The following KIAA0825 variants were observed in gnomAD, a reference collection of about 807,000 sequenced individuals.
The protein encoded by KIAA0825 is KIAA0825.
In KIAA0825, 119 loss-of-function variants were observed where a neutral mutation model predicts 147.6. That is an observed-to-expected ratio of 0.81 (90% confidence interval 0.69 to 0.94). The LOEUF (loss-of-function observed/expected upper bound fraction) is 0.94, where lower values mean the gene tolerates loss of function less well. Ranked by LOEUF, KIAA0825 falls within the 40% of genes least tolerant of loss-of-function variation. KIAA0825 has a pLI of 0.00. For synonymous variants in KIAA0825, 470 were observed against 518.1 expected, an observed-to-expected ratio of 0.91 and a Z score of 1.26; for missense variants, 1,381 against 1,472.7, an observed-to-expected ratio of 0.94 and a Z score of 1.02.
At chr5:94,264,425 G>A (rs1410900210) in intron 20 of KIAA0825, among the ~76,000 whole-genome samples, 1 of 152,090 alleles carries the variant, frequency 6.6e-6, no homozygotes, top group East Asian at 1.9e-4. Context: ...AACCTTCTAT[G>A]GCTTTGTTTT....
chr5:94,243,600 G>A (rs999844360), intron 20 of KIAA0825, among the ~76,000 whole-genome samples: 19 of 152,136 alleles, frequency 1.2e-4, no homozygotes, highest in African/African-American at 4.6e-4. Flanking sequence ...TGGTGAAAAA[G>A]GACTAGTTAA....
chr5:94,321,811 T>C (rs893832320), intron 20 of KIAA0825, among the ~76,000 whole-genome samples: 1 of 152,008 alleles, frequency 6.6e-6, no homozygotes, highest in Admixed American at 6.6e-5. Context: ...GTTAAAATCA[T>C]ATTTAACAGA....
intron 5 of KIAA0825, among the ~76,000 whole-genome samples, chr5:94,513,887 A>G (rs1315803921): frequency 6.6e-6 from 1 of 151,694 alleles, no homozygotes; most frequent in Admixed American, 6.6e-5. Context: ...ATAATGTCAG[A>G]CTTTTTGTTT....
intron 20 of KIAA0825, among the ~76,000 whole-genome samples, chr5:94,284,217 T>C (rs1304506137): frequency 1.3e-5 from 2 of 152,138 alleles, no homozygotes; most frequent in Non-Finnish European, 2.9e-5. Context: ...TTCTCAAATT[T>C]GCTATAGTTT....
At chr5:94,514,337 G>T (rs1056045252) in intron 5 of KIAA0825, among the ~76,000 whole-genome samples, 3 of 151,902 alleles carry the variant, frequency 2.0e-5, no homozygotes, top group Non-Finnish European at 4.4e-5. Flanking sequence ...CAAAGTCTTG[G>T]ATTTTTTTTC....
chr5:94,477,852 G>A (rs4869213), intron 6 of KIAA0825, among the ~76,000 whole-genome samples: 11,060 of 152,166 alleles, frequency 0.073, 624 homozygotes, highest in East Asian at 0.26. Context: ...CTATAAAAAT[G>A]TAATAAATAA....
chr5:94,259,159 C>A (rs893101601), intron 20 of KIAA0825, among the ~76,000 whole-genome samples: 2 of 152,000 alleles, frequency 1.3e-5, no homozygotes, highest in African/African-American at 2.4e-5. Flanking sequence ...CCTGCAGTTA[C>A]AGAACTCATA....
At chr5:94,506,229 T>A (rs1201327562) in intron 5 of KIAA0825, among the ~76,000 whole-genome samples, 4 of 152,252 alleles carry the variant, frequency 2.6e-5, no homozygotes, top group Admixed American at 2.6e-4. Context: ...TCTATCAGGA[T>A]ATACTGTGTT....
chr5:94,537,267 GT>G, intron 2 of KIAA0825, 140 bp from the exon 3 acceptor site: 1 of 576,016 alleles, frequency 1.7e-6, no homozygotes, highest in South Asian at 2.5e-5. Context: ...AAATATAGCA[GT>G]TGGAGAACTA....
intron 2 of KIAA0825, among the ~76,000 whole-genome samples, chr5:94,548,496 A>AGAAG (rs758414921): frequency 2.6e-5 from 4 of 152,152 alleles, no homozygotes; most frequent in Admixed American, 6.6e-5. Flanking sequence ...AAGGAAGGAA[A>AGAAG]GAAGGAAGAG....
chr5:94,566,942 CA>C (rs1778818644), intron 2 of KIAA0825, among the ~76,000 whole-genome samples: 1 of 152,064 alleles, frequency 6.6e-6, no homozygotes, highest in African/African-American at 2.4e-5. Flanking sequence ...TTTTAAAAGA[CA>C]AAACTCATCA....
chr5:94,417,849 T>C lies in KIAA0825; in HGVS notation c.2498-484A>G, dbSNP rs961999441. ...TCAATTCTACAAACAAATTTATGAA[T>C]GTTTCTTAAATCCACAGACCTTGTC... On this transcript the variant is annotated intron_variant, in intron 14 of 20. Coordinates refer to ENST00000682413, the MANE Select transcript of KIAA0825 (RefSeq NM_001145678.3). Among the ~76,000 whole-genome samples, 13 of 152,342 alleles carry C rather than the reference T, an allele frequency of 8.5e-5. 3 individuals are homozygous for C. The highest frequency in any genetic ancestry group is 4.8e-5 in the African/African-American group (2 of 41,586).
intron 20 of KIAA0825, among the ~76,000 whole-genome samples, chr5:94,269,236 G>A (rs1489551956): frequency 2.0e-5 from 3 of 152,066 alleles, no homozygotes; most frequent in Non-Finnish European, 2.9e-5. Flanking sequence ...GTATTTGAAA[G>A]CCTCATAGTA....
intron 20 of KIAA0825, among the ~76,000 whole-genome samples, chr5:94,290,164 T>C (rs1777824000): frequency 6.6e-6 from 1 of 152,192 alleles, no homozygotes; most frequent in Admixed American, 6.5e-5. Context: ...CTTTAAGTTC[T>C]GGGATACCTG....
At chr5:94,284,475 T>C (rs1777583959) in intron 20 of KIAA0825, among the ~76,000 whole-genome samples, 1 of 152,114 alleles carries the variant, frequency 6.6e-6, no homozygotes, top group South Asian at 2.1e-4. Context: ...CCTGCACTAA[T>C]CACCCTGCAG....
At chr5:94,456,941 A>G (rs1165502651) in intron 12 of KIAA0825, among the ~76,000 whole-genome samples, 1 of 152,198 alleles carries the variant, frequency 6.6e-6, no homozygotes, top group Non-Finnish European at 1.5e-5. Context: ...TTAGTACACA[A>G]ATTTCTTAGA....
At chr5:94,336,701 G>A (rs1410748806) in intron 20 of KIAA0825, among the ~76,000 whole-genome samples, 1 of 152,080 alleles carries the variant, frequency 6.6e-6, no homozygotes, top group Non-Finnish European at 1.5e-5. Context: ...TTGCTGTTGT[G>A]AATAGTGCCG....
chr5:94,411,538 C>T (rs1254858172), intron 15 of KIAA0825, among the ~76,000 whole-genome samples: 1 of 152,156 alleles, frequency 6.6e-6, no homozygotes, highest in Non-Finnish European at 1.5e-5. Context: ...AAAAATCCAT[C>T]ATAGAACTAA....
chr5:94,368,672 C>T (rs766283464), intron 20 of KIAA0825, among the ~76,000 whole-genome samples: 3 of 152,120 alleles, frequency 2.0e-5, no homozygotes, highest in Non-Finnish European at 2.9e-5. Flanking sequence ...TTAGAGGAAA[C>T]ACTCGGAGGC....
Sources: allele counts gnomAD v4.1 joint callset (sites outside exome capture counted in the v4.1 genomes callset), GRCh38; gene constraint gnomAD v4.1.1; transcripts MANE v1.5; gene names NCBI Gene and HGNC (gene_info 2026-07-23, HGNC 2026-07-21).